Variants in PITPNA observed in about 807,000 individuals in gnomAD.
The protein encoded by PITPNA is phosphatidylinositol transfer protein alpha isoform.
A neutral mutation model predicts 50.3 loss-of-function variants in PITPNA; 13 were observed. The ratio of observed to expected loss-of-function variants is 0.26; its 90% CI spans 0.17 to 0.41. The LOEUF is 0.41. Ranked by LOEUF, PITPNA falls within the 10% of genes least tolerant of loss-of-function variation. PITPNA has a pLI of 1.00. For missense variants in PITPNA, 207 were observed against 333.4 expected (o/e 0.62, Z 2.95); for synonymous variants, 120 against 119.6 (o/e 1.00, Z -0.02).
At chr17:1,531,701 AT>A (rs1421588209) in intron 10 of PITPNA, among the ~76,000 whole-genome samples, 12 of 152,184 alleles carry the variant, frequency 7.9e-5, no homozygotes, top group South Asian at 4.2e-4. Flanking sequence ...ATCAGCATAG[AT>A]TATTTGAAAG....
chr17:1,542,916 A>G lies in PITPNA; in HGVS notation c.297+104T>C, dbSNP rs188954901. ...GGACTGAGCCTCAGCAACTCCAAAC[A>G]TCAGCCAAGGGAAAGAACACCCAAG... On this transcript the variant is annotated intron_variant, in intron 5 of 11. Transcript: ENST00000313486. 70 of 865,854 alleles carry G rather than the reference A, an allele frequency of 8.1e-5. No homozygotes were observed. In the East Asian group the frequency reaches 1.1e-3, roughly 13 times the overall value. The allele number at this position is 865,854 out of a possible 1,614,324, so 53.6% of individuals were successfully genotyped here.
chr17:1,545,104 C>T (rs796117210), intron 4 of PITPNA, among the ~76,000 whole-genome samples: 29 of 151,254 alleles, frequency 1.9e-4, no homozygotes, highest in South Asian at 8.3e-4. Context: ...ACTTTCTTTT[C>T]CTTTTCCCAC....
At chr17:1,557,457 T>TTA in intron 2 of PITPNA, among the ~76,000 whole-genome samples, 1 of 152,308 alleles carries the variant, frequency 6.6e-6, no homozygotes, top group African/African-American at 2.4e-5. Context: ...GGCACTATAC[T>TTA]GGCTGACGAA....
intron 7 of PITPNA, among the ~76,000 whole-genome samples, chr17:1,538,149 CT>C (rs1273857061): frequency 1.3e-5 from 2 of 152,182 alleles, no homozygotes; most frequent in Non-Finnish European, 2.9e-5. Flanking sequence ...TATCACACCC[CT>C]GGGATACAAA....
At chr17:1,527,344 A>G (rs1441274848) in intron 10 of PITPNA, among the ~76,000 whole-genome samples, 1 of 151,918 alleles carries the variant, frequency 6.6e-6, no homozygotes, top group Non-Finnish European at 1.5e-5. Context: ...CCTGGGTTCA[A>G]GTGATTCTCC....
intron 10 of PITPNA, 106 bp from the exon 11 acceptor site, chr17:1,521,751 C>G: frequency 1.1e-6 from 1 of 878,922 alleles, no homozygotes; most frequent in Non-Finnish European, 1.9e-6. Context: ...GTGTAAAAAG[C>G]AAGACACTGG....
chr17:1,542,991 A>G, intron 5 of PITPNA, 29 bp downstream of exon 5: 1 of 1,556,762 alleles, frequency 6.4e-7, no homozygotes, highest in Non-Finnish European at 8.7e-7. Flanking sequence ...TACATCATCT[A>G]CAGTTCCAAC....
chr17:1,534,531 A>T (rs1222778201), intron 9 of PITPNA, among the ~76,000 whole-genome samples: 3 of 152,130 alleles, frequency 2.0e-5, no homozygotes. Context: ...AGGGCCCCAA[A>T]CCACTGCCAC....
chr17:1,546,206 G>A (rs2075673541), intron 4 of PITPNA, among the ~76,000 whole-genome samples: 2 of 152,094 alleles, frequency 1.3e-5, no homozygotes, highest in Admixed American at 1.3e-4. Context: ...TAGGATTACA[G>A]GCATGAGCCA....
At chr17:1,557,477 A>G (rs1483202693) in intron 2 of PITPNA, among the ~76,000 whole-genome samples, 1 of 152,130 alleles carries the variant, frequency 6.6e-6, no homozygotes, top group African/African-American at 2.4e-5. Flanking sequence ...ACCTCACCCA[A>G]ACTCGAGTTT....
At position 1,519,295 on chromosome 17, in the gene PITPNA, G is replaced by C. The variant is rs1346881756; in HGVS notation, c.*1266C>G. The C allele has an allele frequency of 6.6e-6, 1 of 152,208 alleles. No homozygotes were observed. The highest frequency in any genetic ancestry group is 1.5e-5 in the Non-Finnish European group (1 of 68,046). The allele number at this position is 152,208 out of a possible 1,614,324, so 9.4% of individuals were successfully genotyped here. On this transcript the variant is annotated 3_prime_UTR_variant, in exon 12 of 12. Coordinates refer to ENST00000313486, the MANE Select transcript of PITPNA (RefSeq NM_006224.4). ...TTGGGGAATGTCAGGTGACACTACA[G>C]CTCTCTCTCATTCTCCCACTAAGAG...
chr17:1,552,341 G>A (rs1298874179), intron 3 of PITPNA, among the ~76,000 whole-genome samples: 1 of 152,230 alleles, frequency 6.6e-6, no homozygotes, highest in African/African-American at 2.4e-5. Context: ...TCAAGCTGAT[G>A]TATAATTAAT....
intron 10 of PITPNA, 130 bp downstream of exon 10, chr17:1,533,969 C>T (rs1295050032): frequency 1.2e-5 from 12 of 1,019,176 alleles, no homozygotes; most frequent in African/African-American, 4.8e-5. Flanking sequence ...CCCAGGATAC[C>T]GTCCCTGTAG....
chr17:1,539,805 C>A (rs146407266), intron 6 of PITPNA, among the ~76,000 whole-genome samples: 1 of 152,368 alleles, frequency 6.6e-6, no homozygotes, highest in Non-Finnish European at 1.5e-5. Flanking sequence ...GGCGCGATCT[C>A]GGCTCACTGC....
At chr17:1,538,581 G>T in intron 7 of PITPNA, 1 of 258,908 alleles carries the variant, frequency 3.9e-6, no homozygotes, top group Non-Finnish European at 7.3e-6. Flanking sequence ...CGATTTTTCA[G>T]GCTAAGCATC....
At chr17:1,535,414 C>T (rs529561036) in intron 8 of PITPNA, 27 bp downstream of exon 8, 3 of 1,587,918 alleles carry the variant, frequency 1.9e-6, no homozygotes. Flanking sequence ...CTGCCCAGCC[C>T]CCTGGCAGTG....
At chr17:1,532,832 T>G (rs575215523) in intron 10 of PITPNA, among the ~76,000 whole-genome samples, 1 of 152,300 alleles carries the variant, frequency 6.6e-6, no homozygotes, top group Non-Finnish European at 1.5e-5. Flanking sequence ...CTGCTAAATG[T>G]AGCTAAATGA....
intron 4 of PITPNA, among the ~76,000 whole-genome samples, chr17:1,543,833 A>T (rs1417932470): frequency 2.0e-5 from 3 of 152,252 alleles, no homozygotes; most frequent in African/African-American, 7.2e-5. Flanking sequence ...AAAGACACTT[A>T]GAAGGAAGCA....
In PITPNA at chr17:1,535,311, C is replaced by G; in HGVS notation, c.535-19G>C. ...GCTCTTGCTGCATTAGAAACATACC[C>G]ATGGGTACGCAAGTAACAACGGGCA... On this transcript the variant is annotated intron_variant, in intron 8 of 11. Transcript: ENST00000313486. 6.3e-7 allele frequency: 1 copy of G among 1,576,398 alleles called. No individual in the cohort carries two copies. The highest frequency in any genetic ancestry group is 8.7e-7 in the Non-Finnish European group (1 of 1,145,700).
Sources: allele counts gnomAD v4.1 joint callset (sites outside exome capture counted in the v4.1 genomes callset), GRCh38; gene constraint gnomAD v4.1.1; transcripts MANE v1.5; gene names NCBI Gene and HGNC (gene_info 2026-07-23, HGNC 2026-07-21).